Variants in PPM1B observed in about 807,000 individuals in gnomAD.
The protein encoded by PPM1B is protein phosphatase 1B.
A neutral mutation model predicts 43.0 loss-of-function variants in PPM1B; 22 were observed. The ratio of observed to expected loss-of-function variants is 0.51; its 90% confidence interval spans 0.37 to 0.73. PPM1B has a LOEUF of 0.73. Ranked by LOEUF, PPM1B falls within the 30% of genes least tolerant of loss-of-function variation. The pLI, the probability that PPM1B is intolerant of heterozygous loss-of-function variation, is 0.00. For missense variants in PPM1B, 632 were observed against 584.2 expected (o/e 1.08, Z -0.84); for synonymous variants, 217 against 197.9 (o/e 1.10, Z -0.81).
intron 5 of PPM1B, among the ~76,000 whole-genome samples, chr2:44,228,173 C>A (rs1670307097): frequency 6.9e-6 from 1 of 144,398 alleles, no homozygotes; most frequent in Non-Finnish European, 1.5e-5. Context: ...CCACCCGCCT[C>A]AGCCTAACAA....
intron 5 of PPM1B, chr2:44,244,216 C>G (rs1167735062): frequency 1.6e-6 from 2 of 1,244,906 alleles, no homozygotes; most frequent in Admixed American, 2.8e-5. Context: ...CAATTTCTAT[C>G]ATATCCACCA....
downstream of PPM1B, among the ~76,000 whole-genome samples, chr2:44,237,156 C>T (rs17838367): frequency 2.2e-3 from 338 of 152,328 alleles, no homozygotes; most frequent in African/African-American, 7.9e-3. Context: ...GGCATTATAA[C>T]AATTTGCACT....
intron 1 of PPM1B, among the ~76,000 whole-genome samples, chr2:44,186,638 C>G (rs1231220108): frequency 6.6e-6 from 1 of 152,202 alleles, no homozygotes; most frequent in African/African-American, 2.4e-5. Context: ...GCCTCCCAAA[C>G]TGCTGGGATT....
intron 1 of PPM1B, among the ~76,000 whole-genome samples, chr2:44,169,505 G>C (rs1667214975): frequency 6.6e-6 from 1 of 152,230 alleles, no homozygotes; most frequent in African/African-American, 2.4e-5. Context: ...GCTGAGGTCT[G>C]GGAGAGGCGC....
chr2:44,185,427 A>G (rs1334553561), intron 1 of PPM1B, among the ~76,000 whole-genome samples: 3 of 152,210 alleles, frequency 2.0e-5, no homozygotes, highest in African/African-American at 7.2e-5. Flanking sequence ...TCAGTGTGAT[A>G]GATTTTTTTT....
At chr2:44,221,101 T>C (rs755700739) in intron 5 of PPM1B, among the ~76,000 whole-genome samples, 42 of 152,200 alleles carry the variant, frequency 2.8e-4, no homozygotes, top group Non-Finnish European at 1.5e-5. Flanking sequence ...TTTAATCTGT[T>C]AGAAACATTT....
intron 5 of PPM1B, among the ~76,000 whole-genome samples, chr2:44,239,723 T>G (rs1032208613): frequency 2.0e-5 from 3 of 152,142 alleles, no homozygotes; most frequent in Non-Finnish European, 2.9e-5. Context: ...ATTTAGGTTT[T>G]TAATCATTCT....
intron 5 of PPM1B, among the ~76,000 whole-genome samples, chr2:44,228,505 C>T (rs1405211335): frequency 6.6e-6 from 1 of 152,164 alleles, no homozygotes; most frequent in Non-Finnish European, 1.5e-5. Flanking sequence ...TAACATTCAT[C>T]TGCTCTCATT....
At chr2:44,195,548 G>A (rs928593773) in intron 1 of PPM1B, among the ~76,000 whole-genome samples, 11 of 152,198 alleles carry the variant, frequency 7.2e-5, no homozygotes, top group South Asian at 2.1e-4. Flanking sequence ...GCCAGGTGTG[G>A]TGGCTCACAC....
chr2:44,180,617 T>C (rs1389313711), intron 1 of PPM1B, among the ~76,000 whole-genome samples: 7 of 152,092 alleles, frequency 4.6e-5, no homozygotes, highest in Non-Finnish European at 8.8e-5. Context: ...TAAATTACTT[T>C]TGTTTTTTTT....
chr2:44,237,285 G>C (rs1343517941), downstream of PPM1B, among the ~76,000 whole-genome samples: 1 of 152,132 alleles, frequency 6.6e-6, no homozygotes, highest in Non-Finnish European at 1.5e-5. Context: ...TTGATGATTC[G>C]TGTATGTTAC....
chr2:44,200,569 GAT>G (rs1184717899), intron 1 of PPM1B, among the ~76,000 whole-genome samples: 1 of 152,174 alleles, frequency 6.6e-6, no homozygotes, highest in Non-Finnish European at 1.5e-5. Flanking sequence ...CAGTTTTATA[GAT>G]ATATAGTAAA....
At chr2:44,242,636 TG>T (rs1670774176) in intron 5 of PPM1B, among the ~76,000 whole-genome samples, 1 of 152,228 alleles carries the variant, frequency 6.6e-6, no homozygotes, top group African/African-American at 2.4e-5. Context: ...ATTGCCAAGC[TG>T]CTGGGTAAAA....
chr2:44,185,944 A>G (rs778339227), intron 1 of PPM1B, among the ~76,000 whole-genome samples: 2 of 152,130 alleles, frequency 1.3e-5, no homozygotes, highest in Non-Finnish European at 2.9e-5. Flanking sequence ...GAGGACTTAA[A>G]TAATTTAATT....
chr2:44,171,502 G>A (rs78394173), intron 1 of PPM1B, among the ~76,000 whole-genome samples: 6,255 of 152,122 alleles, frequency 0.041, 416 homozygotes, highest in African/African-American at 0.14. Context: ...AATTGGCCAC[G>A]GTATCACTTA....
chr2:44,232,764 T>A, downstream of PPM1B: 1 of 988,478 alleles, frequency 1.0e-6, no homozygotes, highest in Non-Finnish European at 1.2e-6. Context: ...ATATGTTCCT[T>A]TTTTCAGTTC....
At chr2:44,177,217 C>G (rs781304355) in intron 1 of PPM1B, among the ~76,000 whole-genome samples, 2 of 152,026 alleles carry the variant, frequency 1.3e-5, no homozygotes. Context: ...CAACATTTGG[C>G]CATCTATCTT....
chr2:44,213,104 CTTTT>C (rs57890131), intron 3 of PPM1B, among the ~76,000 whole-genome samples: 3 of 131,550 alleles, frequency 2.3e-5, no homozygotes, highest in Non-Finnish European at 4.8e-5. Flanking sequence ...TCTTAAGGCC[CTTTT>C]TTTTTTTTTT....
downstream of PPM1B, chr2:44,232,619 T>A: frequency 8.0e-7 from 1 of 1,253,424 alleles, no homozygotes; most frequent in Non-Finnish European, 1.0e-6. Flanking sequence ...ACCAGTGGAG[T>A]TATTTCACCA....
Sources: gnomAD v4.1 joint callset for allele counts (sites outside exome capture counted in the v4.1 genomes callset) on GRCh38, gnomAD v4.1.1 for gene constraint, MANE v1.5 for transcripts, NCBI Gene and HGNC (gene_info 2026-07-23, HGNC 2026-07-21) for gene names.